CACNG7: variants seen among roughly 807,000 people sequenced by gnomAD.
CACNG7 encodes the protein voltage-dependent calcium channel gamma-7 subunit.
Under a neutral mutation model 26.3 loss-of-function variants are expected in CACNG7, and 9 were observed. That is an observed-to-expected ratio of 0.34 (90% confidence interval 0.21 to 0.60). CACNG7 has a LOEUF of 0.60. Ranked by LOEUF, CACNG7 falls within the 20% of genes least tolerant of loss-of-function variation. The pLI is 0.81. For synonymous variants in CACNG7, 170 were observed against 157.0 expected, an observed-to-expected ratio of 1.08 and a Z score of -0.62; for missense variants, 297 against 380.4, an observed-to-expected ratio of 0.78 and a Z score of 1.82.
intron 4 of CACNG7, among the ~76,000 whole-genome samples, chr19:53,918,377 A>C (rs139010856): frequency 1.6e-3 from 246 of 152,354 alleles, no homozygotes; most frequent in Non-Finnish European, 3.1e-3. Flanking sequence ...GTGTAAGCAA[A>C]TGGGAGTGGC....
Position 53,942,593 on chromosome 19 carries a change from C to CGGCGA in CACNG7, c.*300_*301insGGCGA. The CGGCGA allele has an allele frequency of 7.8e-7, 1 of 1,289,160 alleles. No homozygotes were observed. The highest frequency in any genetic ancestry group is 9.9e-7 in the Non-Finnish European group (1 of 1,014,954). 79.9% of individuals were successfully genotyped at this position (1,289,160 alleles called of 1,614,324 possible). On this transcript the variant is annotated 3_prime_UTR_variant, in exon 6 of 6. Coordinates refer to ENST00000391767, the MANE Select transcript of CACNG7 (RefSeq NM_031896.5). This position sits in a 1 kb window ranked among gnomAD's most constrained non-coding sequence, Gnocchi z 5.9. ...CTCCTCTCCAAGAAAATTAGCTCCT[C>CGGCGA]CCTCGTTCTCCACCTGCTCTGAGCT...
chr19:53,931,740 T>C (rs1330515117), intron 4 of CACNG7, among the ~76,000 whole-genome samples: 1 of 149,838 alleles, frequency 6.7e-6, no homozygotes, highest in African/African-American at 2.4e-5. Flanking sequence ...CCACTACTAT[T>C]TGTTTTTAAC....
chr19:53,926,007 C>T (rs1568779049), intron 4 of CACNG7, among the ~76,000 whole-genome samples: 1 of 152,172 alleles, frequency 6.6e-6, no homozygotes, highest in African/African-American at 2.4e-5. Flanking sequence ...GATCATTAAA[C>T]ATGATCTGTG....
At position 53,942,665 on chromosome 19, in the gene CACNG7, C is replaced by T; in HGVS notation, c.*372C>T. 1 of 881,638 alleles carries T rather than the reference C, an allele frequency of 1.1e-6. No individual in the cohort carries two copies. Among genetic ancestry groups the T allele is most frequent in the Non-Finnish European group, 1.4e-6 (1 of 699,730 alleles). 54.6% of individuals were successfully genotyped at this position (881,638 alleles called of 1,614,324 possible). A position where few individuals can be genotyped will look rare whatever the true frequency, so the allele number is the denominator to read the frequency against. On this transcript the variant is annotated 3_prime_UTR_variant, in exon 6 of 6. Coordinates refer to ENST00000391767, the MANE Select transcript of CACNG7 (RefSeq NM_031896.5). The surrounding 1 kb of genome is among the most constrained non-coding windows in gnomAD (Gnocchi z 5.9). ...AAGCGCCCAGCTCCCCAGAGCTCCC[C>T]AACCTCGGACCTCACCGCAGGGGCG...
At chr19:53,913,095 A>C (rs2068871408) in intron 2 of CACNG7, 68 bp downstream of exon 2, 16 of 1,393,908 alleles carry the variant, frequency 1.1e-5, no homozygotes, top group Non-Finnish European at 1.5e-5. Flanking sequence ...TCTTAGCCAT[A>C]GTCCCATCCC....
At chr19:53,914,780 T>A (rs2068884103) in intron 3 of CACNG7, among the ~76,000 whole-genome samples, 194 bp downstream of exon 3, 1 of 151,940 alleles carries the variant, frequency 6.6e-6, no homozygotes. Context: ...GGTGGGTGGA[T>A]CACCTGAGGT....
At chr19:53,910,090 G>A (rs1271048970) in intron 1 of CACNG7, among the ~76,000 whole-genome samples, 1 of 152,124 alleles carries the variant, frequency 6.6e-6, no homozygotes, top group African/African-American at 2.4e-5. Flanking sequence ...AGGAATTGGA[G>A]CAAGGTTGGG....
intron 2 of CACNG7, among the ~76,000 whole-genome samples, chr19:53,913,821 C>T (rs927196000): frequency 3.3e-5 from 5 of 149,786 alleles, no homozygotes; most frequent in Admixed American, 2.7e-4. Context: ...AAATCTATAC[C>T]TCCCAGGGAC....
At chr19:53,938,307 C>T (rs948152588) in intron 4 of CACNG7, among the ~76,000 whole-genome samples, 3 of 151,914 alleles carry the variant, frequency 2.0e-5, no homozygotes, top group Non-Finnish European at 2.9e-5. Flanking sequence ...ATGATTGCAC[C>T]AATGCACTCC....
At chr19:53,911,280 G>A (rs1417157863) in intron 1 of CACNG7, among the ~76,000 whole-genome samples, 1 of 151,954 alleles carries the variant, frequency 6.6e-6, no homozygotes, top group Non-Finnish European at 1.5e-5. Context: ...TGGCCAGGCT[G>A]GTCTCAAACT....
At chr19:53,923,011 C>CCCAGGACTGGTCATTGGTGCAGTTGT (rs2068976777) in intron 4 of CACNG7, among the ~76,000 whole-genome samples, 4 of 97,098 alleles carry the variant, frequency 4.1e-5, no homozygotes, top group Non-Finnish European at 7.7e-5. Context: ...GGTGCAGTTG[C>CCCAGGACTGGTCATTGGTGCAGTTGT]CCCAGGCCTG....
chr19:53,915,933 A>G (rs906830141), intron 4 of CACNG7, among the ~76,000 whole-genome samples: 1 of 152,146 alleles, frequency 6.6e-6, no homozygotes, highest in Non-Finnish European at 1.5e-5. Context: ...ACTGCAATTA[A>G]CAGTTTACAA....
At chr19:53,935,603 G>C (rs188782014) in intron 4 of CACNG7, among the ~76,000 whole-genome samples, 1 of 142,086 alleles carries the variant, frequency 7.0e-6, no homozygotes, top group African/African-American at 2.6e-5. Flanking sequence ...GATTATAGGC[G>C]TGAGCCACCG....
At chr19:53,929,933 C>G (rs2069059776) in intron 4 of CACNG7, among the ~76,000 whole-genome samples, 1 of 152,078 alleles carries the variant, frequency 6.6e-6, no homozygotes. Context: ...AGAGAATTGA[C>G]TACTTGATGG....
intron 4 of CACNG7, among the ~76,000 whole-genome samples, chr19:53,918,961 G>T (rs1200989104): frequency 6.6e-6 from 1 of 152,104 alleles, no homozygotes; most frequent in Non-Finnish European, 1.5e-5. Flanking sequence ...GTAGAGACGG[G>T]GTTTCACTGT....
chr19:53,910,613 A>G (rs978087538), intron 1 of CACNG7, among the ~76,000 whole-genome samples: 7 of 152,124 alleles, frequency 4.6e-5, no homozygotes, highest in Admixed American at 1.3e-4. Context: ...ATAAAGGCTA[A>G]GGGTCCCAAG....
At chr19:53,923,064 G>A (rs1420499190) in intron 4 of CACNG7, among the ~76,000 whole-genome samples, 1 of 120,188 alleles carries the variant, frequency 8.3e-6, no homozygotes, top group Non-Finnish European at 1.7e-5. Flanking sequence ...TGGTGCAGTT[G>A]TCCCCAGGCC....
chr19:53,923,770 G>A (rs1403478491), intron 4 of CACNG7, among the ~76,000 whole-genome samples: 5 of 131,682 alleles, frequency 3.8e-5, no homozygotes, highest in African/African-American at 1.6e-4. Flanking sequence ...GTTGCCCCAG[G>A]TCTGGTCATT....
At position 53,912,184 on chromosome 19, in the gene CACNG7, T is replaced by C. The variant is rs941968995; in HGVS notation, c.-29-619T>C. On this transcript the variant is annotated intron_variant, in intron 1 of 5. Transcript: ENST00000391767. The surrounding 1 kb of genome is among the most constrained non-coding windows in gnomAD (Gnocchi z 4.6). ...CTGGGATCTAGGTCCTGGCTCAGAG[T>C]TGAGGTTATTGATCCTTGTTGGAGT... 6.6e-6 allele frequency among the ~76,000 whole-genome samples: 1 copy of C among 151,672 alleles called. No individual in the cohort carries two copies. The highest frequency in any genetic ancestry group is 1.5e-5 in the Non-Finnish European group (1 of 67,932).
Sources: allele counts gnomAD v4.1 joint callset (sites outside exome capture counted in the v4.1 genomes callset), GRCh38; gene constraint gnomAD v4.1.1; non-coding constraint Gnocchi (gnomAD v3.1); transcripts MANE v1.5; gene names NCBI Gene and HGNC (gene_info 2026-07-23, HGNC 2026-07-21).